Variants in TLCD3B observed in about 807,000 individuals in gnomAD.
TLCD3B encodes the protein TLC domain containing 3B.
In TLCD3B, 9 loss-of-function variants were observed where a neutral mutation model predicts 23.0. That is an observed-to-expected ratio of 0.39 (90% CI 0.24 to 0.68). TLCD3B has a LOEUF of 0.68. TLCD3B is among the 30% of genes least tolerant of loss of function. The probability of loss-of-function intolerance (pLI) is 0.44; values close to 1 mark genes in which losing one functional copy is unlikely to be tolerated. For synonymous variants in TLCD3B, 161 were observed against 161.0 expected, an observed-to-expected ratio of 1.00 and a Z score of 0.00; for missense variants, 307 against 371.8, an observed-to-expected ratio of 0.83 and a Z score of 1.43.
chr16:30,032,457 AT>A (rs1393302595), upstream of TLCD3B, among the ~76,000 whole-genome samples: 1 of 152,020 alleles, frequency 6.6e-6, no homozygotes, highest in Non-Finnish European at 1.5e-5. Flanking sequence ...TCTCACGCTG[AT>A]TTAGAGACGG....
Position 30,030,123 on chromosome 16 carries a change from G to A in TLCD3B, c.125+280C>T, listed in dbSNP as rs536935716. ...CCTAATGTCTTATAGGAATGTCTTC[G>A]CCGCATGCTGGCCCTGTTTTGGAGG... On this transcript the variant is annotated intron_variant, in intron 1 of 4. Transcript: ENST00000380495. The A allele has an allele frequency of 2.2e-5, 32 of 1,450,038 alleles. No homozygotes were observed. The African/African-American group carries it at 2.5e-4, about 12-fold the overall frequency. 89.8% of individuals were successfully genotyped at this position (1,450,038 alleles called of 1,614,324 possible). A position where few individuals can be genotyped will look rare whatever the true frequency, so the allele number is the denominator to read the frequency against.
chr16:30,024,590 T>C lies in TLCD3B; in HGVS notation c.*593A>G, dbSNP rs1441146485. ...TGGTGAGGGACTGGGCGCCCTCGCC[T>C]GCCCCCGGGGTTGTCAGCACTGGGA... On this transcript the variant is annotated 3_prime_UTR_variant, in exon 5 of 5. Coordinates refer to ENST00000380495, the MANE Select transcript of TLCD3B (RefSeq NM_031478.6). 1 of 313,514 alleles carries C rather than the reference T, an allele frequency of 3.2e-6. No individual in the cohort carries two copies. Among genetic ancestry groups the C allele is most frequent in the Non-Finnish European group, 5.9e-6 (1 of 169,548 alleles). The allele number at this position is 313,514 out of a possible 1,614,324, so 19.4% of individuals were successfully genotyped here. A position where few individuals can be genotyped will look rare whatever the true frequency, so the allele number is the denominator to read the frequency against.
upstream of TLCD3B, among the ~76,000 whole-genome samples, chr16:30,034,978 C>G (rs2150988125): frequency 6.6e-6 from 1 of 150,710 alleles, no homozygotes; most frequent in South Asian, 2.1e-4. Flanking sequence ...GTGGCGCCAT[C>G]TCAGCTCACC....
chr16:30,041,267 T>A (rs2071575995), intron 2 of TLCD3B: 1 of 152,006 alleles, frequency 6.6e-6, no homozygotes, highest in African/African-American at 2.4e-5. Flanking sequence ...TATGTATTTA[T>A]TTTTTGTTTG....
At chr16:30,045,355 GTGTGTGTGTGTGGTT>G (rs1188290726) in intron 2 of TLCD3B, among the ~76,000 whole-genome samples, 4 of 140,664 alleles carry the variant, frequency 2.8e-5, no homozygotes, top group African/African-American at 1.1e-4. Context: ...TGTGTGTGGT[GTGTGTGTGTGTGGTT>G]TGTGTGTGTG....
At chr16:30,052,614 T>C (rs930353198) in intron 1 of TLCD3B, among the ~76,000 whole-genome samples, 1 of 151,836 alleles carries the variant, frequency 6.6e-6, no homozygotes, top group Non-Finnish European at 1.5e-5. Flanking sequence ...GGTGAATCAC[T>C]TGAACACGGG....
intron 3 of TLCD3B, among the ~76,000 whole-genome samples, chr16:30,026,265 G>A (rs1341632652): frequency 6.6e-6 from 1 of 152,118 alleles, no homozygotes; most frequent in Admixed American, 6.5e-5. Context: ...GAACACCTGG[G>A]TGCAGGAGCA....
Position 30,029,315 on chromosome 16 carries a change from C to A in TLCD3B, c.209+117G>T. The A allele has an allele frequency of 1.1e-6, 1 of 878,070 alleles. No homozygotes were observed. Among genetic ancestry groups the A allele is most frequent in the South Asian group, 1.5e-5 (1 of 67,722 alleles). The allele number at this position is 878,070 out of a possible 1,614,324, so 54.4% of individuals were successfully genotyped here. A position where few individuals can be genotyped will look rare whatever the true frequency, so the allele number is the denominator to read the frequency against. On this transcript the variant is annotated intron_variant, in intron 2 of 4. Transcript: ENST00000380495. This position sits in a 1 kb window ranked among gnomAD's most constrained non-coding sequence, Gnocchi z 4.6. ...TTATTGCAGTTAACTTGCTCAGGCC[C>A]AAGTTAAGGGCTTGGGGACCACAGA...
chr16:30,026,553 G>C, intron 3 of TLCD3B, 56 bp downstream of exon 3: 1 of 1,491,418 alleles, frequency 6.7e-7, no homozygotes, highest in Non-Finnish European at 9.2e-7. Flanking sequence ...GCCAGCACCA[G>C]CAGGACCAAG....
chr16:30,029,917 TG>T lies in TLCD3B; in HGVS notation c.126-403del. 1.3e-6 allele frequency: 1 copy of T among 787,268 alleles called. No homozygotes were observed. Among genetic ancestry groups the T allele is most frequent in the Non-Finnish European group, 1.9e-6 (1 of 523,218 alleles). The allele number at this position is 787,268 out of a possible 1,614,324, so 48.8% of individuals were successfully genotyped here. A position where few individuals can be genotyped will look rare whatever the true frequency, so the allele number is the denominator to read the frequency against. On this transcript the variant is annotated intron_variant, in intron 1 of 4. Coordinates refer to ENST00000380495, the MANE Select transcript of TLCD3B (RefSeq NM_031478.6). This position sits in a 1 kb window ranked among gnomAD's most constrained non-coding sequence, Gnocchi z 4.6. ...TCCAGTCATGACGCAGGCCTCACTCTGGACCCTTTGTGACCCCGAGTTCCCC... is the reference window on the plus strand; with the variant it reads ...TCCAGTCATGACGCAGGCCTCACTCTGACCCTTTGTGACCCCGAGTTCCCC...
chr16:30,036,665 G>A (rs187044296), intron 3 of TLCD3B: 2 of 259,082 alleles, frequency 7.7e-6, no homozygotes, highest in South Asian at 4.0e-5. Context: ...TTTGCTTCCT[G>A]TGGGGGCTGG....
intron 3 of TLCD3B, among the ~76,000 whole-genome samples, chr16:30,039,103 CTTTTTTTTTTTTTTTTTTT>C (rs1018184417): frequency 1.0e-5 from 1 of 99,616 alleles, no homozygotes; most frequent in Non-Finnish European, 1.9e-5. Context: ...TCCTTCCTCT[CTTTTTTTTTTTTTTTTTTT>C]TTTTTTTTTT....
rs1326659039 is a variant in TLCD3B, at chr16:30,040,145, A to ATATATAT, written c.-67+849_-67+850insATATATA. Among the ~76,000 whole-genome samples, 48 of 89,490 alleles carry ATATATAT rather than the reference A, an allele frequency of 5.4e-4. 1 individual carries two copies. The highest frequency in any genetic ancestry group is 1.7e-3 in the African/African-American group (43 of 25,046). 58.7% of individuals were successfully genotyped at this position (89,490 alleles called of 152,430 possible). Reference sequence around the variant, plus strand: ...CAAGACTTTGTCTCAAAAAAAAAAAAAAATATATATATATATATATATATA... The same window carrying ATATATAT: ...CAAGACTTTGTCTCAAAAAAAAAAAATATATATAAATATATATATATATATATATATA... On this transcript the variant is annotated intron_variant, in intron 3 of 6. Transcript: ENST00000561666.
intron 1 of TLCD3B, among the ~76,000 whole-genome samples, chr16:30,047,292 G>A (rs1216012757): frequency 1.3e-5 from 2 of 151,812 alleles, no homozygotes; most frequent in Non-Finnish European, 2.9e-5. Flanking sequence ...ATGTGCCACC[G>A]TGCCTGGCTA....
At chr16:30,026,521 AC>A (rs1314554137) in intron 3 of TLCD3B, 87 bp downstream of exon 3, 3 of 1,181,374 alleles carry the variant, frequency 2.5e-6, no homozygotes, top group South Asian at 2.9e-5. Context: ...CAGTACGCAG[AC>A]CCGGGGCTTC....
intron 1 of TLCD3B, among the ~76,000 whole-genome samples, chr16:30,051,850 G>C (rs1279194619): frequency 6.6e-6 from 1 of 152,190 alleles, no homozygotes; most frequent in African/African-American, 2.4e-5. Context: ...TGAGGAAGAG[G>C]TTTGAGGGGA....
intron 2 of TLCD3B, among the ~76,000 whole-genome samples, chr16:30,041,547 C>T (rs112294239): frequency 0.044 from 6,630 of 151,992 alleles, 182 homozygotes; most frequent in Non-Finnish European, 0.059. Flanking sequence ...TTACACACGC[C>T]TGTAATTTTT....
At chr16:30,035,277 C>A, upstream of TLCD3B, 1 of 1,270,762 alleles carries the variant, frequency 7.9e-7, no homozygotes, top group Non-Finnish European at 1.0e-6. Flanking sequence ...TCACCACAAA[C>A]TCATTCTGAA....
intron 1 of TLCD3B, among the ~76,000 whole-genome samples, chr16:30,046,875 C>A (rs544465225): frequency 6.6e-6 from 1 of 152,204 alleles, no homozygotes; most frequent in African/African-American, 2.4e-5. Flanking sequence ...AGCACCTCTA[C>A]CTGGGGCTGC....
Sources: allele counts gnomAD v4.1 joint callset (sites outside exome capture counted in the v4.1 genomes callset), GRCh38; gene constraint gnomAD v4.1.1; non-coding constraint Gnocchi (gnomAD v3.1); transcripts MANE v1.5; gene names NCBI Gene and HGNC (gene_info 2026-07-23, HGNC 2026-07-21).